Variants in UBR4 observed in about 807,000 individuals in gnomAD.
UBR4 encodes the protein E3 ubiquitin-protein ligase UBR4.
In UBR4, 124 loss-of-function variants were observed where a neutral mutation model predicts 575.6. The ratio of observed to expected loss-of-function variants is 0.22; its 90% CI spans 0.19 to 0.25. The LOEUF (loss-of-function observed/expected upper bound fraction) is 0.25, where lower values mean the gene tolerates loss of function less well. Among genes scored for constraint, UBR4 ranks in the 10% least tolerant of loss-of-function variants. The pLI, the probability that UBR4 is intolerant of heterozygous loss-of-function variation, is 1.00. For missense variants in UBR4, 4,818 were observed against 6,478.8 expected (o/e 0.74, Z 8.80); for synonymous variants, 2,455 against 2,473.7 (o/e 0.99, Z 0.22).
chr1:19,176,430 GA>G (rs2090274097), intron 20 of UBR4, among the ~76,000 whole-genome samples, 161 bp downstream of exon 20: 1 of 152,252 alleles, frequency 6.6e-6, no homozygotes, highest in African/African-American at 2.4e-5. Flanking sequence ...GGCTATGTGG[GA>G]GTCCATTTCT....
At chr1:19,165,445 T>C in intron 30 of UBR4, 96 bp from the exon 31 acceptor site, 5 of 1,170,590 alleles carry the variant, frequency 4.3e-6, no homozygotes, top group Non-Finnish European at 6.2e-6. Context: ...CTGGGGAAAA[T>C]GACCACTTAT....
chr1:19,193,087 T>C (rs180822613), intron 9 of UBR4, among the ~76,000 whole-genome samples: 1 of 152,274 alleles, frequency 6.6e-6, no homozygotes, highest in African/African-American at 2.4e-5. Flanking sequence ...CAGATCACTA[T>C]CAATCACAAT....
chr1:19,129,958 T>C (rs748695441), intron 60 of UBR4, among the ~76,000 whole-genome samples: 1 of 152,226 alleles, frequency 6.6e-6, no homozygotes, highest in Non-Finnish European at 1.5e-5. Context: ...TAATGTGTGA[T>C]TGGCATGTGT....
At position 19,088,261 on chromosome 1, in the gene UBR4, T is replaced by G. The variant is rs2077201398; in HGVS notation, c.14431-332A>C. Among the ~76,000 whole-genome samples the G allele has an allele frequency of 6.6e-6, 1 of 152,228 alleles. No homozygotes were observed. Among genetic ancestry groups the G allele is most frequent in the East Asian group, 1.9e-4 (1 of 5,196 alleles). On this transcript the variant is annotated intron_variant, in intron 98 of 105. Coordinates refer to ENST00000375254, the MANE Select transcript of UBR4 (RefSeq NM_020765.3). This position sits in a 1 kb window ranked among gnomAD's most constrained non-coding sequence, Gnocchi z 4.0. The stretch of plus-strand genomic sequence containing the variant: ...GCTTCCAAGGGTTGTTGCACTATGA[T>G]TCATTCACTGTTCCCAGGTGAGCTT...
chr1:19,180,729 C>A (rs1042043249), intron 17 of UBR4, among the ~76,000 whole-genome samples: 1 of 151,972 alleles, frequency 6.6e-6, no homozygotes, highest in Non-Finnish European at 1.5e-5. Flanking sequence ...CATTTTTCAT[C>A]TTTGTGTCAG....
intron 67 of UBR4, 88 bp from the exon 68 acceptor site, chr1:19,121,522 C>T (rs892231472): frequency 6.7e-7 from 1 of 1,483,356 alleles, no homozygotes; most frequent in East Asian, 2.3e-5. Flanking sequence ...ACAGCTGAGA[C>T]TGCCCTGTTC....
At chr1:19,154,791 A>G (rs1427364130) in intron 44 of UBR4, 127 bp downstream of exon 44, 15 of 1,335,838 alleles carry the variant, frequency 1.1e-5, no homozygotes, top group Non-Finnish European at 1.5e-5. Context: ...CTAGCAGGGG[A>G]GAAAAAAAGG....
At chr1:19,164,191 A>G in intron 33 of UBR4, 62 bp downstream of exon 33, 1 of 1,543,576 alleles carries the variant, frequency 6.5e-7, no homozygotes, top group South Asian at 1.3e-5. Context: ...TGAGCTATAA[A>G]GAAAGTAACC....
chr1:19,114,198 C>A, intron 75 of UBR4, 128 bp from the exon 76 acceptor site: 2 of 1,206,334 alleles, frequency 1.7e-6, no homozygotes, highest in Admixed American at 2.7e-5. Context: ...TACATTATCT[C>A]TGTTCTTCAC....
chr1:19,119,677 C>T lies in UBR4; in HGVS notation c.10335G>A (p.Glu3445=), dbSNP rs2080962581. 1.2e-6 allele frequency: 2 copies of T among 1,612,280 alleles called. No individual in the cohort carries two copies. Among genetic ancestry groups the T allele is most frequent in the African/African-American group, 1.3e-5 (1 of 74,896 alleles). The change falls in exon 70 of 106, where the codon GAG becomes GAA. Residue 3445 remains glutamate, a synonymous_variant. Coordinates refer to ENST00000375254, the MANE Select transcript of UBR4 (RefSeq NM_020765.3). ...TGGACCACATCAGATCTAGCAGGAG[C>T]TCCTGTTGAGATTTGCTGGAATTTC... ...IYRNSSKSQQ[E]LLLDLMWSIW...
In UBR4 at chr1:19,100,257, G is replaced by C; in HGVS notation, c.13221+119C>G. On this transcript the variant is annotated intron_variant, in intron 89 of 105. Coordinates refer to ENST00000375254, the MANE Select transcript of UBR4 (RefSeq NM_020765.3). The surrounding 1 kb of genome is among the most constrained non-coding windows in gnomAD (Gnocchi z 4.2). ...CATTAACCCCAACTTACAGAGTGGA[G>C]AAACTGAAGGCCACCTGCCCCAAGT... 1 of 1,078,102 alleles carries C rather than the reference G, an allele frequency of 9.3e-7. No homozygotes were observed. Among genetic ancestry groups the C allele is most frequent in the Non-Finnish European group, 1.4e-6 (1 of 723,746 alleles). 66.8% of individuals were successfully genotyped at this position (1,078,102 alleles called of 1,614,324 possible). A position where few individuals can be genotyped will look rare whatever the true frequency, so the allele number is the denominator to read the frequency against.
At chr1:19,194,030 G>A (rs1240811054) in intron 8 of UBR4, among the ~76,000 whole-genome samples, 1 of 152,086 alleles carries the variant, frequency 6.6e-6, no homozygotes, top group African/African-American at 2.4e-5. Context: ...GTGTTACCAG[G>A]GGTCGAGGGA....
At chr1:19,076,942 A>ACTG in intron 104 of UBR4, 40 bp from the exon 105 acceptor site, 4 of 1,518,030 alleles carry the variant, frequency 2.6e-6, no homozygotes, top group Non-Finnish European at 3.5e-6. Context: ...TGGGTGACTT[A>ACTG]CTGCTGCCTC....
intron 60 of UBR4, among the ~76,000 whole-genome samples, chr1:19,135,987 T>C (rs567407309): frequency 2.0e-5 from 3 of 152,244 alleles, no homozygotes; most frequent in Middle Eastern, 3.4e-3. Flanking sequence ...ACAGTTAAAA[T>C]AGGAGGTGAT....
chr1:19,122,697 A>G lies in UBR4; in HGVS notation c.9816+136T>C, dbSNP rs2081304891. The G allele has an allele frequency of 4.2e-6, 4 of 958,506 alleles. No homozygotes were observed. In the East Asian group the frequency reaches 1.0e-4, roughly 25 times the overall value. The allele number at this position is 958,506 out of a possible 1,614,324, so 59.4% of individuals were successfully genotyped here. ...GCACCCAGACAGGGGTTATGGATTT[A>G]CCCTCATCTCAGCCCTAACCATGCC... On this transcript the variant is annotated intron_variant, in intron 66 of 105. Coordinates refer to ENST00000375254, the MANE Select transcript of UBR4 (RefSeq NM_020765.3).
chr1:19,152,205 C>T lies in UBR4; in HGVS notation c.6996+108G>A. ...ATTTAACTAGAACCGAGGGTTGTGA[C>T]TGTGAGTATATACTCTATACTTGCT... On this transcript the variant is annotated intron_variant, in intron 47 of 105. Transcript: ENST00000375254. The surrounding 1 kb of genome is among the most constrained non-coding windows in gnomAD (Gnocchi z 4.4). 1 of 1,419,010 alleles carries T rather than the reference C, an allele frequency of 7.0e-7. No homozygotes were observed. The highest frequency in any genetic ancestry group is 9.6e-7 in the Non-Finnish European group (1 of 1,038,610). The allele number at this position is 1,419,010 out of a possible 1,614,324, so 87.9% of individuals were successfully genotyped here.
At chr1:19,127,582 G>A (rs545677076) in intron 63 of UBR4, 41 bp downstream of exon 63, 11 of 1,533,844 alleles carry the variant, frequency 7.2e-6, no homozygotes, top group South Asian at 5.6e-5. Context: ...CAGACAATCC[G>A]CTTACCTTTC....
chr1:19,077,497 G>C (rs1327117830), intron 104 of UBR4, among the ~76,000 whole-genome samples: 1 of 152,206 alleles, frequency 6.6e-6, no homozygotes. Flanking sequence ...ACTTTGGGAG[G>C]CCAAGGCAGG....
chr1:19,156,498 G>A (rs113308544), intron 41 of UBR4, 75 bp from the exon 42 acceptor site: 83 of 1,536,300 alleles, frequency 5.4e-5, no homozygotes, highest in East Asian at 1.7e-4. Flanking sequence ...GAGTAATGAC[G>A]TTCCCTTTTT....
Sources: gnomAD v4.1 joint callset for allele counts (sites outside exome capture counted in the v4.1 genomes callset) on GRCh38, gnomAD v4.1.1 for gene constraint, Gnocchi (gnomAD v3.1) non-coding constraint, MANE v1.5 for transcripts, NCBI Gene and HGNC (gene_info 2026-07-23, HGNC 2026-07-21) for gene names.